The following FBXO34 variants were observed in gnomAD, a reference collection of about 807,000 sequenced individuals.
The protein encoded by FBXO34 is F-box only protein 34.
A neutral mutation model predicts 24.5 loss-of-function variants in FBXO34; 12 were observed. That is an observed-to-expected ratio of 0.49 (90% CI 0.31 to 0.79). FBXO34 has a LOEUF of 0.79. Ranked by LOEUF, FBXO34 falls within the 30% of genes least tolerant of loss-of-function variation. FBXO34 has a pLI of 0.04. For synonymous variants in FBXO34, 320 were observed against 311.9 expected (o/e 1.03, Z -0.27); for missense variants, 823 against 857.7 (o/e 0.96, Z 0.51).
At chr14:55,440,564 C>G in the FBXO34 span, 1 of 1,569,092 alleles carries the variant, frequency 6.4e-7, no homozygotes, top group Non-Finnish European at 8.6e-7. Flanking sequence ...CTGGGGGCAG[C>G]GAGGCGGGGC....
At chr14:55,290,371 G>A (rs1881903802) in intron 1 of FBXO34, among the ~76,000 whole-genome samples, 1 of 150,870 alleles carries the variant, frequency 6.6e-6, no homozygotes, top group Non-Finnish European at 1.5e-5. Flanking sequence ...AAGCCTGGGG[G>A]CAAGAGTGAG....
chr14:55,340,934 T>C (rs1883969911), intron 1 of FBXO34, among the ~76,000 whole-genome samples: 2 of 152,240 alleles, frequency 1.3e-5, no homozygotes, highest in African/African-American at 4.8e-5. Flanking sequence ...TTGAAAGTAC[T>C]GCAAGTGATG....
the FBXO34 span, among the ~76,000 whole-genome samples, chr14:55,378,846 T>C: frequency 0.011 from 1,705 of 152,182 alleles, 14 homozygotes; most frequent in Middle Eastern, 0.027. Flanking sequence ...GCTGGGACTA[T>C]AGGTGTGTGT....
chr14:55,433,543 A>G, the FBXO34 span: 1 of 1,285,412 alleles, frequency 7.8e-7, no homozygotes. Flanking sequence ...TGCTTCTACT[A>G]TGTGCTTTAG....
At chr14:55,305,329 CACTTG>C (rs1882502681) in intron 1 of FBXO34, among the ~76,000 whole-genome samples, 3 of 151,296 alleles carry the variant, frequency 2.0e-5, no homozygotes, top group Non-Finnish European at 4.4e-5. Context: ...GGGGAATAAT[CACTTG>C]AACCCGGGAG....
the FBXO34 span, among the ~76,000 whole-genome samples, chr14:55,403,760 G>A: frequency 6.6e-6 from 1 of 152,168 alleles, no homozygotes; most frequent in African/African-American, 2.4e-5. Flanking sequence ...ATAGGATATT[G>A]AGGACTGTGC....
the FBXO34 span, among the ~76,000 whole-genome samples, chr14:55,433,171 C>G: frequency 6.6e-6 from 1 of 152,110 alleles, no homozygotes; most frequent in Non-Finnish European, 1.5e-5. Flanking sequence ...CTCTGTAACT[C>G]AGACTGGACT....
the FBXO34 span, among the ~76,000 whole-genome samples, chr14:55,401,188 T>A: frequency 1.3e-5 from 2 of 152,068 alleles, no homozygotes; most frequent in Non-Finnish European, 1.5e-5. Flanking sequence ...ATGAGAAAGT[T>A]TGAACAACTT....
chr14:55,348,300 C>G (rs1234897121), intron 1 of FBXO34, among the ~76,000 whole-genome samples: 2 of 151,972 alleles, frequency 1.3e-5, no homozygotes, highest in African/African-American at 4.8e-5. Flanking sequence ...GTGATCATAG[C>G]TTACTGTAAC....
chr14:55,281,756 C>T (rs1446218779), intron 1 of FBXO34, among the ~76,000 whole-genome samples: 1 of 152,296 alleles, frequency 6.6e-6, no homozygotes. Context: ...AGCCACTCAG[C>T]ACGTTGGCAT....
intron 1 of FBXO34, among the ~76,000 whole-genome samples, chr14:55,302,199 G>T (rs1293436225): frequency 1.3e-5 from 2 of 152,198 alleles, no homozygotes; most frequent in Non-Finnish European, 2.9e-5. Flanking sequence ...ACAGTTTACT[G>T]ATAGGAGTAT....
the FBXO34 span, among the ~76,000 whole-genome samples, chr14:55,411,192 C>A: frequency 6.6e-6 from 1 of 152,228 alleles, no homozygotes; most frequent in Non-Finnish European, 1.5e-5. Context: ...TGATTCTCTT[C>A]TACTCTCTCC....
the FBXO34 span, among the ~76,000 whole-genome samples, chr14:55,411,311 ACTT>A: frequency 6.6e-6 from 1 of 152,224 alleles, no homozygotes; most frequent in Non-Finnish European, 1.5e-5. Flanking sequence ...CAACGGGAAA[ACTT>A]CTCCAGAGAG....
intron 1 of FBXO34, chr14:55,339,382 C>CA (rs1555339078): frequency 1.4e-5 from 2 of 141,120 alleles, no homozygotes; most frequent in African/African-American, 5.2e-5. Context: ...TCACCTGCCC[C>CA]CCCCCCCAAT....
Position 55,351,005 on chromosome 14 carries a change from G to A in FBXO34, c.615G>A (p.Leu205=), listed in dbSNP as rs1884344326. The A allele has an allele frequency of 6.2e-7, 1 of 1,614,082 alleles. No individual in the cohort carries two copies. The highest frequency in any genetic ancestry group is 1.3e-5 in the African/African-American group (1 of 74,934). The change falls in exon 2 of 2, where the codon CTG becomes CTA. Residue 205 remains leucine, a synonymous_variant. Transcript: ENST00000313833. ...ATGGAGTCTATGCTGGGAGGCCTCT[G>A]TCAGTTATACAGATGGTTGCCTTCT... ...SGDGVYAGRP[L]SVIQMVAFLE...
At chr14:55,415,632 A>G in the FBXO34 span, among the ~76,000 whole-genome samples, 4 of 152,182 alleles carry the variant, frequency 2.6e-5, no homozygotes, top group African/African-American at 9.7e-5. Context: ...TGGGAGTCCC[A>G]GGCAGGTGGA....
chr14:55,283,350 G>A (rs183487186), intron 1 of FBXO34, among the ~76,000 whole-genome samples: 55 of 152,060 alleles, frequency 3.6e-4, no homozygotes, highest in Non-Finnish European at 6.9e-4. Flanking sequence ...TTTTATATGC[G>A]AGGTAGTATG....
intron 1 of FBXO34, among the ~76,000 whole-genome samples, chr14:55,300,797 GTCAT>G (rs1028304371): frequency 3.5e-4 from 54 of 152,240 alleles, no homozygotes; most frequent in African/African-American, 1.3e-3. Context: ...TGAAATGTCG[GTCAT>G]TTTCCCACAC....
the FBXO34 span, chr14:55,435,958 A>C: frequency 7.0e-7 from 1 of 1,421,338 alleles, no homozygotes; most frequent in Non-Finnish European, 9.7e-7. Flanking sequence ...TCAGTTTAGA[A>C]ACTTATATCA....
Sources: allele counts gnomAD v4.1 joint callset (sites outside exome capture counted in the v4.1 genomes callset), GRCh38; gene constraint gnomAD v4.1.1; transcripts MANE v1.5; gene names NCBI Gene and HGNC (gene_info 2026-07-23, HGNC 2026-07-21).